Variants in STAMBPL1 observed in about 807,000 individuals in gnomAD.
STAMBPL1 encodes the protein AMSH-like protease.
A neutral mutation model predicts 52.9 loss-of-function variants in STAMBPL1; 44 were observed. The observed-to-expected ratio is 0.83, with a 90% CI of 0.65 to 1.07. The LOEUF is 1.07. STAMBPL1 is among the 50% of genes least tolerant of loss of function. The probability of loss-of-function intolerance (pLI) is 0.00; values close to 1 mark genes in which losing one functional copy is unlikely to be tolerated. For synonymous variants in STAMBPL1, 164 were observed against 177.3 expected (o/e 0.92, Z 0.60); for missense variants, 511 against 520.8 (o/e 0.98, Z 0.18).
chr10:88,923,359 A>T lies in STAMBPL1; in HGVS notation c.*135A>T. ...TTTTAGATGACAAAGCTTGATATTTATTGCTGTTGCACATTTTAAAGTTTT... is the reference window on the plus strand; with the variant it reads ...TTTTAGATGACAAAGCTTGATATTTTTTGCTGTTGCACATTTTAAAGTTTT... On this transcript the variant is annotated 3_prime_UTR_variant, in exon 11 of 11. Transcript: ENST00000371926. 2 of 1,397,570 alleles carry T rather than the reference A, an allele frequency of 1.4e-6. No individual in the cohort carries two copies. Among genetic ancestry groups the T allele is most frequent in the Non-Finnish European group, 1.9e-6 (2 of 1,080,726 alleles). The allele number at this position is 1,397,570 out of a possible 1,614,324, so 86.6% of individuals were successfully genotyped here.
At chr10:88,916,356 C>G (rs1845368986) in intron 7 of STAMBPL1, among the ~76,000 whole-genome samples, 1 of 151,632 alleles carries the variant, frequency 6.6e-6, no homozygotes, top group African/African-American at 2.4e-5. Context: ...ATCAAGACAT[C>G]ATTTATTAAC....
chr10:88,913,665 A>G (rs1052708830), intron 6 of STAMBPL1, among the ~76,000 whole-genome samples: 1 of 152,160 alleles, frequency 6.6e-6, no homozygotes, highest in Non-Finnish European at 1.5e-5. Context: ...GATGCCCCCG[A>G]TAGAGCAGAG....
chr10:88,918,825 C>T (rs192822850), intron 8 of STAMBPL1, among the ~76,000 whole-genome samples: 35 of 152,228 alleles, frequency 2.3e-4, no homozygotes, highest in Non-Finnish European at 4.1e-4. Context: ...TCTAACAAAA[C>T]ATTTTCCAAA....
intron 1 of STAMBPL1, among the ~76,000 whole-genome samples, chr10:88,887,066 T>C (rs558014969): frequency 1.3e-5 from 2 of 152,318 alleles, no homozygotes; most frequent in South Asian, 4.1e-4. Context: ...GAAAGGTTGG[T>C]TTATAAATTG....
At chr10:88,895,991 T>G (rs2133147575) in intron 1 of STAMBPL1, among the ~76,000 whole-genome samples, 1 of 152,324 alleles carries the variant, frequency 6.6e-6, no homozygotes, top group South Asian at 2.1e-4. Context: ...TGATCTAATA[T>G]AAACCATTCT....
At chr10:88,895,600 T>C (rs910604686) in intron 1 of STAMBPL1, among the ~76,000 whole-genome samples, 2 of 152,374 alleles carry the variant, frequency 1.3e-5, no homozygotes, top group Middle Eastern at 3.4e-3. Flanking sequence ...GGAACTATAA[T>C]GGAACTTTAT....
rs1355617566 is a variant in STAMBPL1 at position 88,913,299 on chromosome 10, G to A, written c.619G>A (p.Asp207Asn). Residue 207 changes from aspartate (D) to asparagine (N), a missense_variant, in exon 6 of 11, where the codon GAT (aspartate) becomes AAT (asparagine). Physicochemically the swap from Asp to Asn is conservative, Grantham distance 23 (BLOSUM62 1). Coordinates refer to ENST00000371926, the MANE Select transcript of STAMBPL1 (RefSeq NM_020799.4). ...QQTSGLSEQI[D>N]GSALSCFSTH... ...AACCTCAGGGCTGTCAGAGCAGATT[G>A]ATGGGAGCGCTTTGTCCTGCTTTTC... 1.2e-6 allele frequency: 2 copies of A among 1,613,790 alleles called. No homozygotes were observed. Among genetic ancestry groups the A allele is most frequent in the Admixed American group, 1.7e-5 (1 of 59,952 alleles).
intron 1 of STAMBPL1, chr10:88,900,933 C>T (rs1844929354): frequency 6.6e-6 from 1 of 152,192 alleles, no homozygotes; most frequent in Non-Finnish European, 1.5e-5. Context: ...AGCTTTGGAA[C>T]TTGTGGTGGC....
chr10:88,896,437 A>G (rs1844811913), intron 1 of STAMBPL1, among the ~76,000 whole-genome samples: 2 of 152,206 alleles, frequency 1.3e-5, no homozygotes, highest in South Asian at 4.1e-4. Context: ...AAATCAGATT[A>G]GGTCATTGCA....
intron 1 of STAMBPL1, among the ~76,000 whole-genome samples, chr10:88,895,967 A>G (rs998483418): frequency 6.6e-6 from 1 of 152,218 alleles, no homozygotes; most frequent in African/African-American, 2.4e-5. Flanking sequence ...TGTAACAACT[A>G]CATTCTTGCT....
chr10:88,910,786 C>T, intron 4 of STAMBPL1, 130 bp from the exon 5 acceptor site: 1 of 556,036 alleles, frequency 1.8e-6, no homozygotes, highest in Non-Finnish European at 3.1e-6. Flanking sequence ...ATTTATTTTT[C>T]TGCCATCATC....
intron 1 of STAMBPL1, among the ~76,000 whole-genome samples, chr10:88,891,538 T>G (rs1201042681): frequency 2.0e-5 from 3 of 152,206 alleles, no homozygotes; most frequent in African/African-American, 7.2e-5. Flanking sequence ...AGAAAAATAG[T>G]ATCGTGGAGA....
chr10:88,904,262 A>G (rs1440518276), intron 2 of STAMBPL1, among the ~76,000 whole-genome samples: 1 of 152,208 alleles, frequency 6.6e-6, no homozygotes, highest in Non-Finnish European at 1.5e-5. Flanking sequence ...CAAACTGTAC[A>G]GGCATAAGTA....
At chr10:88,912,111 C>T (rs114663871) in intron 5 of STAMBPL1, among the ~76,000 whole-genome samples, 1 of 152,162 alleles carries the variant, frequency 6.6e-6, no homozygotes, top group Non-Finnish European at 1.5e-5. Context: ...GAGAGATAAA[C>T]AGCAATGCCT....
intron 3 of STAMBPL1, among the ~76,000 whole-genome samples, chr10:88,906,949 T>A (rs1043664154): frequency 1.3e-5 from 2 of 152,158 alleles, no homozygotes; most frequent in Non-Finnish European, 2.9e-5. Context: ...AATCATCATA[T>A]ACACTGGACC....
At position 88,897,522 on chromosome 10, in the gene STAMBPL1, G is replaced by A. The variant is rs1311585777; in HGVS notation, c.-53-4134G>A. On this transcript the variant is annotated intron_variant, in intron 1 of 10. Transcript: ENST00000371926. Reference sequence around the variant, plus strand: ...ATCTTAGAGGTTAAACAGATCACAAGGCTGTAGTTCAGATGATCAGATGTT... The same window carrying A: ...ATCTTAGAGGTTAAACAGATCACAAAGCTGTAGTTCAGATGATCAGATGTT... Among the ~76,000 whole-genome samples, 6 of 152,190 alleles carry A rather than the reference G, an allele frequency of 3.9e-5. No homozygotes were observed. The South Asian group carries it at 6.2e-4, about 16-fold the overall frequency.
chr10:88,881,688 T>G (rs1215742626), intron 1 of STAMBPL1, among the ~76,000 whole-genome samples: 1 of 152,190 alleles, frequency 6.6e-6, no homozygotes, highest in Non-Finnish European at 1.5e-5. Flanking sequence ...TCGTGTCAAT[T>G]TTTTTGAGGG....
At chr10:88,899,934 T>A (rs576485801) in intron 1 of STAMBPL1, among the ~76,000 whole-genome samples, 1 of 152,246 alleles carries the variant, frequency 6.6e-6, no homozygotes, top group African/African-American at 2.4e-5. Context: ...ACGTCTTTTT[T>A]TCCTGGTTTA....
At chr10:88,886,917 CT>C (rs1244649824) in intron 1 of STAMBPL1, among the ~76,000 whole-genome samples, 2 of 152,160 alleles carry the variant, frequency 1.3e-5, no homozygotes, top group Non-Finnish European at 2.9e-5. Flanking sequence ...TCTGAGGACC[CT>C]GTGATTCTAT....
Sources: gnomAD v4.1 joint callset for allele counts (sites outside exome capture counted in the v4.1 genomes callset) on GRCh38, gnomAD v4.1.1 for gene constraint, MANE v1.5 for transcripts, NCBI Gene and HGNC (gene_info 2026-07-23, HGNC 2026-07-21) for gene names.